The following ITIH2 variants were observed in gnomAD, a reference collection of about 807,000 sequenced individuals.
ITIH2 encodes inter-alpha-trypsin inhibitor heavy chain 2.
A neutral mutation model predicts 104.4 loss-of-function variants in ITIH2; 103 were observed. The ratio of observed to expected loss-of-function variants is 0.99; its 90% confidence interval spans 0.84 to 1.16. The LOEUF (loss-of-function observed/expected upper bound fraction) is 1.16. Ranked by LOEUF, ITIH2 falls within the 50% of genes most tolerant of loss-of-function variation. The probability of loss-of-function intolerance (pLI) is 0.00; values close to 1 mark genes in which losing one functional copy is unlikely to be tolerated. For missense variants in ITIH2, 1,108 were observed against 1,162.4 expected, an observed-to-expected ratio of 0.95 and a Z score of 0.68; for synonymous variants, 436 against 435.4, an observed-to-expected ratio of 1.00 and a Z score of -0.02.
chr10:7,737,406 C>CATATATATATATATATATATACACGTGT (rs1835065794), intron 15 of ITIH2, among the ~76,000 whole-genome samples: 8 of 121,700 alleles, frequency 6.6e-5, no homozygotes, highest in South Asian at 2.5e-4. Context: ...GTATATATCT[C>CATATATATATATATATATATACACGTGT]ATATATATAT....
At chr10:7,736,863 G>A (rs1188080833) in intron 15 of ITIH2, among the ~76,000 whole-genome samples, 3 of 152,304 alleles carry the variant, frequency 2.0e-5, no homozygotes, top group Non-Finnish European at 2.9e-5. Flanking sequence ...CAAGTGGATA[G>A]AAATGGCAAG....
At chr10:7,741,550 G>A (rs1029883030) in intron 16 of ITIH2, among the ~76,000 whole-genome samples, 3 of 152,152 alleles carry the variant, frequency 2.0e-5, no homozygotes, top group African/African-American at 7.2e-5. Context: ...TTTGTGGACT[G>A]CAGAGCATGA....
chr10:7,706,797 G>A (rs1463816304), intron 2 of ITIH2, among the ~76,000 whole-genome samples: 8 of 152,140 alleles, frequency 5.3e-5, no homozygotes, highest in Non-Finnish European at 1.2e-4. Flanking sequence ...CCTAGCAGGG[G>A]CACTGCAAAC....
intron 11 of ITIH2, among the ~76,000 whole-genome samples, chr10:7,728,730 TGTAA>T (rs998458810): frequency 2.1e-4 from 32 of 152,190 alleles, no homozygotes; most frequent in Middle Eastern, 3.4e-3. Context: ...TTCTGGCCAC[TGTAA>T]GTAATAGCGA....
At chr10:7,729,166 A>C (rs1026290490) in intron 11 of ITIH2, among the ~76,000 whole-genome samples, 2 of 152,112 alleles carry the variant, frequency 1.3e-5, no homozygotes, top group African/African-American at 4.8e-5. Context: ...ATACAAAATT[A>C]GCCTGACAGG....
chr10:7,719,639 T>C (rs1460333952), intron 6 of ITIH2, among the ~76,000 whole-genome samples: 4 of 150,978 alleles, frequency 2.6e-5, no homozygotes. Context: ...TGCTCCCCTG[T>C]AGTCCCACCC....
rs768339085 is a variant in ITIH2, at chr10:7,744,908, G to A, written c.2526G>A (p.Leu842=). Residue 842 remains leucine, a synonymous_variant, in exon 19 of 21, where the codon CTG becomes CTA. Coordinates refer to ENST00000358415, the MANE Select transcript of ITIH2 (RefSeq NM_002216.3). ...WKKHPVNVDF[L]GIYIPPTNKF... is the part of the protein sequence containing the mutation. ...AGCATCCCGTCAATGTTGACTTTCT[G>A]GGAATCTACATACCCCCTACAAACA... 1.9e-6 allele frequency: 3 copies of A among 1,613,996 alleles called. No homozygotes were observed. The highest frequency in any genetic ancestry group is 2.2e-5 in the South Asian group (2 of 91,078).
In ITIH2 at chr10:7,713,220, G is replaced by A. The variant is rs1446079268; in HGVS notation, c.402G>A (p.Glu134=). The change falls in exon 5 of 21, where the codon GAG becomes GAA. Residue 134 remains glutamate (E), a synonymous_variant. Coordinates refer to ENST00000358415, the MANE Select transcript of ITIH2 (RefSeq NM_002216.3). ...AGACATTTAGGAGCTCTATTAAGGA[G>A]AAAACTGTGGGCCGAGCTCTTTATG... ...DGKTFRSSIK[E]KTVGRALYAQ... 1.1e-5 allele frequency: 17 copies of A among 1,614,094 alleles called. No individual in the cohort carries two copies. The highest frequency in any genetic ancestry group is 1.4e-5 in the Non-Finnish European group (17 of 1,180,050).
At chr10:7,715,454 T>A (rs1302283308) in intron 5 of ITIH2, among the ~76,000 whole-genome samples, 1 of 152,062 alleles carries the variant, frequency 6.6e-6, no homozygotes, top group African/African-American at 2.4e-5. Context: ...TCTTTGTCCA[T>A]CATTTTGACC....
rs183240219 is a variant in ITIH2, at chr10:7,739,824, C to T, written c.2095+1066C>T. Among the ~76,000 whole-genome samples, 115 of 152,270 alleles carry T rather than the reference C, an allele frequency of 7.6e-4. 1 individual carries two copies. Among genetic ancestry groups the T allele is most frequent in the African/African-American group, 2.2e-3 (90 of 41,566 alleles). On this transcript the variant is annotated intron_variant, in intron 16 of 20. Transcript: ENST00000358415. ...GGTTTGCCTGAGCCCAGAAGTTCAA[C>T]GTTGCAGTGAGCTATCATTGCGCCA...
intron 6 of ITIH2, 37 bp from the exon 7 acceptor site, chr10:7,720,818 CT>C (rs1187283387): frequency 2.3e-6 from 3 of 1,278,584 alleles, no homozygotes; most frequent in Non-Finnish European, 3.4e-6. Context: ...ACTTTAAAGA[CT>C]TTTAATGCTT....
intron 10 of ITIH2, 58 bp downstream of exon 10, chr10:7,727,176 C>A: frequency 7.0e-7 from 1 of 1,423,760 alleles, no homozygotes; most frequent in South Asian, 1.3e-5. Context: ...AATCATGATT[C>A]ACTTAAGAAG....
At chr10:7,737,433 G>GT (rs1564305376) in intron 15 of ITIH2, among the ~76,000 whole-genome samples, 1 of 124,196 alleles carries the variant, frequency 8.1e-6, no homozygotes, top group African/African-American at 3.3e-5. Context: ...ATATACACGT[G>GT]TATATATATA....
intron 3 of ITIH2, among the ~76,000 whole-genome samples, chr10:7,708,150 A>G (rs1329941087): frequency 6.6e-6 from 1 of 152,240 alleles, no homozygotes; most frequent in Non-Finnish European, 1.5e-5. Flanking sequence ...GAAAGGTTTA[A>G]TGTTGGACTA....
At chr10:7,733,467 T>C (rs1190315193) in intron 14 of ITIH2, among the ~76,000 whole-genome samples, 1 of 152,244 alleles carries the variant, frequency 6.6e-6, no homozygotes, top group East Asian at 1.9e-4. Context: ...TGGTGTTCCC[T>C]AAGGAAGGGC....
chr10:7,727,062 C>T lies in ITIH2; in HGVS notation c.1097C>T (p.Thr366Ile), dbSNP rs1834957706. Residue 366 changes from threonine (T) to isoleucine (I), a missense_variant, in exon 10 of 21, where the codon ACA (threonine) becomes ATA (isoleucine). Physicochemically the swap from Thr to Ile is moderately conservative, Grantham distance 89. Transcript: ENST00000358415. ...RTWRNDLISA[T>I]KTQVADAKRY... is the part of the protein sequence containing the mutation. ...TGGAGAAATGATTTAATTTCAGCTA[C>T]AAAAACACAGGTTGCAGATGCCAAG... 1 of 1,614,124 alleles carries T rather than the reference C, an allele frequency of 6.2e-7. No homozygotes were observed. The highest frequency in any genetic ancestry group is 2.2e-5 in the East Asian group (1 of 44,876).
chr10:7,728,600 T>C (rs1416651797), intron 11 of ITIH2, among the ~76,000 whole-genome samples: 3 of 152,088 alleles, frequency 2.0e-5, no homozygotes, highest in Non-Finnish European at 4.4e-5. Flanking sequence ...CTCACTATGT[T>C]GCTCAGGCTG....
chr10:7,719,453 C>T (rs1274732179), intron 6 of ITIH2, among the ~76,000 whole-genome samples: 1 of 152,064 alleles, frequency 6.6e-6, no homozygotes. Context: ...CCATGAATCC[C>T]GTGGTAAATA....
intron 5 of ITIH2, among the ~76,000 whole-genome samples, chr10:7,717,087 G>A (rs566743356): frequency 7.2e-5 from 11 of 152,022 alleles, no homozygotes; most frequent in African/African-American, 2.7e-4. Flanking sequence ...CTGAGTAGCT[G>A]GGATTACAGG....
Sources: allele counts gnomAD v4.1 joint callset (sites outside exome capture counted in the v4.1 genomes callset), GRCh38; gene constraint gnomAD v4.1.1; transcripts MANE v1.5; gene names NCBI Gene and HGNC (gene_info 2026-07-23, HGNC 2026-07-21).